The following RASGRF2 variants were observed in gnomAD, a reference collection of about 807,000 sequenced individuals.
RASGRF2 encodes Ras protein specific guanine nucleotide releasing factor 2.
Under a neutral mutation model 151.0 loss-of-function variants are expected in RASGRF2, and 76 were observed. That is an observed-to-expected ratio of 0.50 (90% CI 0.42 to 0.61). The LOEUF is 0.61. Ranked by LOEUF, RASGRF2 falls within the 20% of genes least tolerant of loss-of-function variation. The probability of loss-of-function intolerance (pLI) is 0.00; values close to 1 mark genes in which losing one functional copy is unlikely to be tolerated. For synonymous variants in RASGRF2, 504 were observed against 566.5 expected (o/e 0.89, Z 1.57); for missense variants, 1,148 against 1,564.6 (o/e 0.73, Z 4.49).
At chr5:81,124,418 C>T (rs1011583700) in intron 16 of RASGRF2, among the ~76,000 whole-genome samples, 113 of 152,142 alleles carry the variant, frequency 7.4e-4, no homozygotes, top group African/African-American at 2.7e-3. Context: ...TGAAGAATCT[C>T]AGTGCTGGGT....
chr5:81,045,706 T>G (rs1750815170), intron 2 of RASGRF2, among the ~76,000 whole-genome samples: 1 of 152,244 alleles, frequency 6.6e-6, no homozygotes, highest in South Asian at 2.1e-4. Context: ...TTAATCTGAC[T>G]GCTTTATACT....
At chr5:80,975,831 A>G (rs1748092965) in intron 1 of RASGRF2, among the ~76,000 whole-genome samples, 1 of 151,070 alleles carries the variant, frequency 6.6e-6, no homozygotes, top group Non-Finnish European at 1.5e-5. Context: ...TAGTTGATGA[A>G]CATTTAATTT....
At position 81,013,611 on chromosome 5, in the gene RASGRF2, A is replaced by G. The variant is rs572486401; in HGVS notation, c.289-29266A>G. 4.0e-5 allele frequency among the ~76,000 whole-genome samples: 6 copies of G among 151,306 alleles called. No individual in the cohort carries two copies. In the East Asian group the frequency reaches 1.2e-3, roughly 29 times the overall value. On this transcript the variant is annotated intron_variant, in intron 1 of 26. Coordinates refer to ENST00000265080, the MANE Select transcript of RASGRF2 (RefSeq NM_006909.3). ...ATATATTTGTTATATATATATATAT[A>G]TGTTATGCTATGTATTATGTTGTGT...
At chr5:81,030,249 T>A (rs535396398) in intron 1 of RASGRF2, among the ~76,000 whole-genome samples, 106 of 152,202 alleles carry the variant, frequency 7.0e-4, no homozygotes, top group African/African-American at 2.5e-3. Flanking sequence ...CAGGAGAACT[T>A]CCCCAATCTA....
intron 12 of RASGRF2, among the ~76,000 whole-genome samples, chr5:81,099,291 A>G: frequency 6.6e-6 from 1 of 152,248 alleles, no homozygotes; most frequent in South Asian, 2.1e-4. Flanking sequence ...CTTCATATTC[A>G]TATTGGCTAT....
intron 15 of RASGRF2, among the ~76,000 whole-genome samples, chr5:81,116,329 C>T (rs538560603): frequency 4.6e-5 from 7 of 152,034 alleles, no homozygotes; most frequent in South Asian, 2.1e-4. Flanking sequence ...GTGTTCCACC[C>T]GCCTCAGCCT....
In RASGRF2 at chr5:81,043,116, G is replaced by A. The variant is rs1750730618; in HGVS notation, c.395+133G>A. The A allele has an allele frequency of 6.7e-6, 4 of 600,934 alleles. No homozygotes were observed. In the South Asian group the frequency reaches 7.4e-5, roughly 11 times the overall value. The allele number at this position is 600,934 out of a possible 1,614,324, so 37.2% of individuals were successfully genotyped here. A position where few individuals can be genotyped will look rare whatever the true frequency, so the allele number is the denominator to read the frequency against. Reference sequence around the variant, plus strand: ...CTCCTGGTACCTATTCCTTAGTCATGTGTGAGATCATTATTTGAGCTTTCC... The same window carrying A: ...CTCCTGGTACCTATTCCTTAGTCATATGTGAGATCATTATTTGAGCTTTCC... On this transcript the variant is annotated intron_variant, in intron 2 of 26. Transcript: ENST00000265080.
chr5:81,170,338 G>A (rs1478465627), intron 17 of RASGRF2, among the ~76,000 whole-genome samples: 1 of 152,264 alleles, frequency 6.6e-6, no homozygotes, highest in Admixed American at 6.5e-5. Context: ...TTTCTAAAAT[G>A]TAAATCAGAC....
In RASGRF2 at chr5:80,968,356, A is replaced by ATTT. The variant is rs11383839; in HGVS notation, c.288+7339_288+7341dup. 1.7e-3 allele frequency among the ~76,000 whole-genome samples: 247 copies of ATTT among 149,296 alleles called. 1 individual carries two copies. The highest frequency in any genetic ancestry group is 5.6e-3 in the African/African-American group (228 of 40,956). ...TTGTTTTATCTGTCTCCATGTGTAC[A>ATTT]TTTTTTTTTTTGTTAGACCACTTTA... On this transcript the variant is annotated intron_variant, in intron 1 of 26. Transcript: ENST00000265080.
rs1195417312 is a variant in RASGRF2 at position 80,982,665 on chromosome 5, A to G, written c.288+21639A>G. On this transcript the variant is annotated intron_variant, in intron 1 of 26. Coordinates refer to ENST00000265080, the MANE Select transcript of RASGRF2 (RefSeq NM_006909.3). ...GCCCAGGCTGGAGTGCAGTGGCACAATCTTGGCTCACTGCAAGCTCTGCCT... is the reference window on the plus strand; with the variant it reads ...GCCCAGGCTGGAGTGCAGTGGCACAGTCTTGGCTCACTGCAAGCTCTGCCT... Among the ~76,000 whole-genome samples, 4 of 151,130 alleles carry G rather than the reference A, an allele frequency of 2.6e-5. No homozygotes were observed. In the South Asian group the frequency reaches 6.3e-4, roughly 24 times the overall value.
At position 81,030,916 on chromosome 5, in the gene RASGRF2, A is replaced by G. The variant is rs183734736; in HGVS notation, c.289-11961A>G. ...TATTCAGGAGACCCATCTCACGTGC[A>G]GAGACACACATTGGCTCAAAATAAA... On this transcript the variant is annotated intron_variant, in intron 1 of 26. Coordinates refer to ENST00000265080, the MANE Select transcript of RASGRF2 (RefSeq NM_006909.3). Among the ~76,000 whole-genome samples, 521 of 152,356 alleles carry G rather than the reference A, an allele frequency of 3.4e-3. 4 individuals are homozygous for G. The highest frequency in any genetic ancestry group is 0.012 in the African/African-American group (507 of 41,580).
In RASGRF2 at chr5:81,091,214, G is replaced by A. The variant is rs145675314; in HGVS notation, c.1391-1587G>A. Reference sequence around the variant, plus strand: ...GCCTCTGGCTTTGATTGCATCCTGAGCCCTATGAGCCCATCCTTCTGCTGC... The same window carrying A: ...GCCTCTGGCTTTGATTGCATCCTGAACCCTATGAGCCCATCCTTCTGCTGC... On this transcript the variant is annotated intron_variant, in intron 9 of 26. Coordinates refer to ENST00000265080, the MANE Select transcript of RASGRF2 (RefSeq NM_006909.3). 1.2e-4 allele frequency among the ~76,000 whole-genome samples: 18 copies of A among 152,238 alleles called. No homozygotes were observed. The East Asian group carries it at 3.5e-3, about 29-fold the overall frequency.
At chr5:81,029,806 T>C (rs1302916879) in intron 1 of RASGRF2, among the ~76,000 whole-genome samples, 2 of 152,174 alleles carry the variant, frequency 1.3e-5, no homozygotes, top group Admixed American at 6.5e-5. Context: ...ATGACTTTGA[T>C]GAGTTGAGAG....
intron 7 of RASGRF2, among the ~76,000 whole-genome samples, chr5:81,082,004 A>G (rs1752100959): frequency 1.3e-5 from 2 of 152,242 alleles, no homozygotes; most frequent in Admixed American, 6.5e-5. Flanking sequence ...AATGAAATAT[A>G]TAGTATAGCA....
chr5:81,207,286 C>T lies in RASGRF2; in HGVS notation c.3008C>T (p.Ala1003Val), dbSNP rs1210288526. Residue 1003 changes from alanine to valine, a missense_variant, in exon 21 of 27, where the codon GCC (alanine) becomes GTC (valine). This residue lies in a region of RASGRF2 where 646 missense variants were observed against 807.4 expected (regional missense o/e 0.80). Transcript: ENST00000265080. ...GCCGAATGCTTTGAGTCCTTGTCGG[C>T]CATGGAGCTGGCAGAACAGATCACC... ...MKAECFESLS[A>V]MELAEQITLL... 6.2e-7 allele frequency: 1 copy of T among 1,614,014 alleles called. No individual in the cohort carries two copies. Among genetic ancestry groups the T allele is most frequent in the Non-Finnish European group, 8.5e-7 (1 of 1,180,026 alleles).
intron 7 of RASGRF2, among the ~76,000 whole-genome samples, chr5:81,085,419 G>A (rs1488915036): frequency 2.0e-5 from 3 of 152,130 alleles, no homozygotes; most frequent in Non-Finnish European, 4.4e-5. Flanking sequence ...TAAAAACATT[G>A]CAAATGGACT....
At chr5:81,136,941 T>TC (rs397951443) in intron 17 of RASGRF2, among the ~76,000 whole-genome samples, 2 of 151,902 alleles carry the variant, frequency 1.3e-5, no homozygotes, top group Admixed American at 1.3e-4. Context: ...TGTGTTTTTT[T>TC]ATGTCTAGCA....
chr5:81,222,424 CTGGAG>C (rs1339214629), intron 26 of RASGRF2, among the ~76,000 whole-genome samples: 1 of 152,218 alleles, frequency 6.6e-6, no homozygotes, highest in Non-Finnish European at 1.5e-5. Flanking sequence ...TTCCTTCTGT[CTGGAG>C]TGCCCTTTCT....
chr5:81,032,029 C>A (rs1054569768), intron 1 of RASGRF2, among the ~76,000 whole-genome samples: 4 of 152,088 alleles, frequency 2.6e-5, no homozygotes, highest in African/African-American at 7.2e-5. Flanking sequence ...CACCTCTATG[C>A]AAATAAACTA....
Sources: gnomAD v4.1 joint callset for allele counts (sites outside exome capture counted in the v4.1 genomes callset) on GRCh38, gnomAD v4.1.1 for gene constraint, gnomAD v4.1.1 regional missense constraint, MANE v1.5 for transcripts, NCBI Gene and HGNC (gene_info 2026-07-23, HGNC 2026-07-21) for gene names.